The following UBN2 variants were observed in gnomAD, a reference collection of about 807,000 sequenced individuals.
UBN2 encodes the protein ubinuclein-2.
UBN2 carries 35 observed loss-of-function variants against 120.2 expected under a neutral mutation model. That is an observed-to-expected ratio of 0.29 (90% confidence interval 0.22 to 0.39). The LOEUF (loss-of-function observed/expected upper bound fraction) is 0.39, where lower values mean the gene tolerates loss of function less well. Among genes scored for constraint, UBN2 ranks in the 10% least tolerant of loss-of-function variants. UBN2 has a pLI of 1.00. For synonymous variants in UBN2, 661 were observed against 648.7 expected (o/e 1.02, Z -0.29); for missense variants, 1,693 against 1,663.2 (o/e 1.02, Z -0.31).
chr7:139,314,710 T>G, the UBN2 span, among the ~76,000 whole-genome samples: 3 of 152,016 alleles, frequency 2.0e-5, no homozygotes, highest in East Asian at 5.9e-4. Context: ...GGTCATGAAC[T>G]CCTGACTTCA....
intron 6 of UBN2, among the ~76,000 whole-genome samples, chr7:139,263,634 C>A (rs1042386978): frequency 6.6e-6 from 1 of 151,786 alleles, no homozygotes; most frequent in Non-Finnish European, 1.5e-5. Flanking sequence ...ATTAGCCCCG[C>A]GTGGTGGCAG....
chr7:139,250,202 C>T (rs902368378), intron 2 of UBN2, among the ~76,000 whole-genome samples: 1 of 152,080 alleles, frequency 6.6e-6, no homozygotes, highest in African/African-American at 2.4e-5. Flanking sequence ...TACCATGGCA[C>T]TCTAGTCTGG....
chr7:139,265,473 G>A lies in UBN2; in HGVS notation c.1396-860G>A, dbSNP rs543117735. On this transcript the variant is annotated intron_variant, in intron 6 of 17. Coordinates refer to ENST00000473989, the MANE Select transcript of UBN2 (RefSeq NM_173569.4). ...AGCCTGGGCGACAGAGTAAGACTCC[G>A]TCTCAAAAAAAAAGAAATTTCTGTA... Among the ~76,000 whole-genome samples, 18 of 151,960 alleles carry A rather than the reference G, an allele frequency of 1.2e-4. No homozygotes were observed. In the South Asian group the frequency reaches 2.9e-3, roughly 25 times the overall value.
intron 2 of UBN2, among the ~76,000 whole-genome samples, chr7:139,250,283 A>G (rs1332113100): frequency 4.6e-5 from 7 of 152,078 alleles, no homozygotes; most frequent in African/African-American, 1.7e-4. Flanking sequence ...TCCAGGCTGA[A>G]GTGCAGTGGT....
At chr7:139,272,261 C>A in intron 8 of UBN2, 61 bp from the exon 9 acceptor site, 1 of 1,219,632 alleles carries the variant, frequency 8.2e-7, no homozygotes, top group Non-Finnish European at 1.2e-6. Flanking sequence ...CTTTTGAGGA[C>A]CTGCTTACAA....
chr7:139,231,972 C>T lies in UBN2; in HGVS notation c.468+20C>T. On this transcript the variant is annotated intron_variant, in intron 1 of 17. Coordinates refer to ENST00000473989, the MANE Select transcript of UBN2 (RefSeq NM_173569.4). ...CAACGGGTACAGAAGATTCTTCCCT[C>T]CTGCCCCAGACCCCGGGAGCCTCAG... 1.3e-6 allele frequency: 2 copies of T among 1,570,210 alleles called. No homozygotes were observed. Among genetic ancestry groups the T allele is most frequent in the Non-Finnish European group, 1.7e-6 (2 of 1,164,996 alleles).
intron 11 of UBN2, among the ~76,000 whole-genome samples, chr7:139,274,997 G>GC (rs1255677384): frequency 2.0e-5 from 3 of 152,064 alleles, no homozygotes; most frequent in Non-Finnish European, 4.4e-5. Context: ...TAAGAATGTG[G>GC]CCCGTTGCGG....
At position 139,261,322 on chromosome 7, in the gene UBN2, G is replaced by A; in HGVS notation, c.976G>A (p.Ala326Thr). Residue 326 changes from alanine to threonine, a missense_variant, in exon 6 of 18, where the codon GCC (alanine) becomes ACC (threonine). By Grantham distance (58) the Ala-to-Thr change is moderately conservative. Transcript: ENST00000473989. ...TTATAAAGATTCTCTTTCTCTAGCT[G>A]CCATGATTAGAAAATTCCAGAAAGA... Reference protein sequence around the residue: ...KRYKDSLSLAAMIRKFQKEKD... With the variant: ...KRYKDSLSLATMIRKFQKEKD... 6.2e-7 allele frequency: 1 copy of A among 1,614,108 alleles called. No individual in the cohort carries two copies. Among genetic ancestry groups the A allele is most frequent in the Non-Finnish European group, 8.5e-7 (1 of 1,180,022 alleles).
intron 17 of UBN2, among the ~76,000 whole-genome samples, chr7:139,294,183 A>G (rs1377172239): frequency 6.6e-6 from 1 of 152,236 alleles, no homozygotes; most frequent in Non-Finnish European, 1.5e-5. Flanking sequence ...ATATAAAAAG[A>G]GCCTTTTTGA....
At chr7:139,277,923 A>G (rs1369940080) in intron 12 of UBN2, among the ~76,000 whole-genome samples, 1 of 152,180 alleles carries the variant, frequency 6.6e-6, no homozygotes, top group African/African-American at 2.4e-5. Context: ...CAACAATAAT[A>G]AAAGAGAACC....
At chr7:139,295,917 T>TC (rs1293830742) in intron 17 of UBN2, among the ~76,000 whole-genome samples, 3 of 151,010 alleles carry the variant, frequency 2.0e-5, no homozygotes, top group East Asian at 2.0e-4. Context: ...TGAGAGTCTG[T>TC]CCCCCCCAAA....
At position 139,259,264 on chromosome 7, in the gene UBN2, C is replaced by T; in HGVS notation, c.802-3C>T. ...AAATGATCATTCTTTTATCATTTTG[C>T]AGGTCCCCAAAATAAAAGAAGATGA... On this transcript the variant is annotated splice_polypyrimidine_tract_variant and splice_region_variant and intron_variant, in intron 4 of 17. Coordinates refer to ENST00000473989, the MANE Select transcript of UBN2 (RefSeq NM_173569.4). 6.2e-7 allele frequency: 1 copy of T among 1,611,608 alleles called. No homozygotes were observed. Among genetic ancestry groups the T allele is most frequent in the Admixed American group, 1.7e-5 (1 of 59,444 alleles).
the UBN2 span, among the ~76,000 whole-genome samples, chr7:139,327,284 C>T: frequency 2.0e-5 from 3 of 152,336 alleles, no homozygotes; most frequent in South Asian, 2.1e-4. Context: ...CTGCCAGCCT[C>T]AGCCTCCCAA....
chr7:139,297,499 GAC>G (rs1309317649), intron 17 of UBN2, among the ~76,000 whole-genome samples: 2 of 152,086 alleles, frequency 1.3e-5, no homozygotes, highest in Admixed American at 1.3e-4. Context: ...CACAGCATTT[GAC>G]ACAATTGGCT....
chr7:139,262,256 C>G (rs973167550), intron 6 of UBN2, among the ~76,000 whole-genome samples: 3 of 151,970 alleles, frequency 2.0e-5, no homozygotes, highest in Non-Finnish European at 4.4e-5. Context: ...CGCACCATCT[C>G]CCCCGGCTAA....
intron 17 of UBN2, 89 bp from the exon 18 acceptor site, chr7:139,297,698 T>TAA: frequency 8.3e-7 from 1 of 1,210,342 alleles, no homozygotes; most frequent in Non-Finnish European, 1.2e-6. Context: ...CCACAAAAGA[T>TAA]AAAAGTTAAT....
rs1442442072 is a variant in UBN2, at chr7:139,284,033, C to G, written c.3128C>G (p.Pro1043Arg). 1.2e-6 allele frequency: 2 copies of G among 1,614,152 alleles called. No homozygotes were observed. The highest frequency in any genetic ancestry group is 1.7e-6 in the Non-Finnish European group (2 of 1,180,028). The change falls in exon 15 of 18, where the codon CCC becomes CGC. Residue 1043 changes from proline (P) to arginine (R), a missense_variant. Around this residue, in one of 5 missense-constraint regions of UBN2, gnomAD observed 837 missense variants for 817.6 expected, o/e 1.02. Coordinates refer to ENST00000473989, the MANE Select transcript of UBN2 (RefSeq NM_173569.4). Reference protein sequence around the residue: ...MAASPKLAASPKPATSPKPLP... With the variant: ...MAASPKLAASRKPATSPKPLP... The stretch of plus-strand genomic sequence containing the variant: ...GCCTCCCCAAAACTTGCCGCATCTC[C>G]CAAGCCTGCCACATCTCCTAAACCC...
intron 15 of UBN2, among the ~76,000 whole-genome samples, chr7:139,286,441 C>T (rs1797790366): frequency 6.6e-6 from 1 of 152,150 alleles, no homozygotes; most frequent in Admixed American, 6.5e-5. Flanking sequence ...TATTCTGACA[C>T]TTTCTCAGAT....
intron 13 of UBN2, among the ~76,000 whole-genome samples, chr7:139,281,454 C>T (rs1797606318): frequency 6.6e-6 from 1 of 152,166 alleles, no homozygotes; most frequent in South Asian, 2.1e-4. Context: ...TAGGACACAT[C>T]TTCCTTCCCT....
Sources: allele counts gnomAD v4.1 joint callset (sites outside exome capture counted in the v4.1 genomes callset), GRCh38; gene constraint gnomAD v4.1.1; regional missense constraint gnomAD v4.1.1; transcripts MANE v1.5; gene names NCBI Gene and HGNC (gene_info 2026-07-23, HGNC 2026-07-21).